Variants in DIAPH2 observed in about 807,000 individuals in gnomAD.
DIAPH2 encodes the protein protein diaphanous homolog 2.
In DIAPH2, 35 loss-of-function variants were observed where a neutral mutation model predicts 92.7. The ratio of observed to expected loss-of-function variants is 0.38; its 90% CI spans 0.29 to 0.50. The LOEUF is 0.50. Among genes scored for constraint, DIAPH2 ranks in the 20% least tolerant of loss-of-function variants. The pLI is 0.94. For synonymous variants in DIAPH2, 301 were observed against 280.4 expected (o/e 1.07, Z -0.73); for missense variants, 701 against 819.5 (o/e 0.86, Z 1.77).
At chrX:97,058,444 G>A (rs1302659704) in intron 17 of DIAPH2, among the ~76,000 whole-genome samples, 1 of 102,289 alleles carries the variant, frequency 9.8e-6, no homozygotes, top group Non-Finnish European at 2.0e-5. Context: ...ATCTGAAATG[G>A]CCTATTTTCT....
In DIAPH2 at chrX:97,019,397, G is replaced by C. The variant is rs199878750; in HGVS notation, c.2051-53544G>C. The stretch of plus-strand genomic sequence containing the variant: ...TTGTTCTTAACCCACTCTTATCATT[G>C]ATTTGAGGGTGACTTTTTATTTAAT... On this transcript the variant is annotated intron_variant, in intron 17 of 26. Transcript: ENST00000324765. Among the ~76,000 whole-genome samples the C allele has an allele frequency of 8.2e-5, 9 of 110,341 alleles. No homozygotes were observed. In the East Asian group the frequency reaches 2.6e-3, roughly 31 times the overall value.
intron 7 of DIAPH2, 90 bp downstream of exon 7, chrX:96,912,642 T>A: frequency 2.0e-6 from 2 of 1,005,785 alleles, no homozygotes; most frequent in Admixed American, 8.7e-5. Flanking sequence ...ATTTTTTTAT[T>A]ATTTTTTTTA....
At position 97,217,911 on chromosome X, in the gene DIAPH2, A is replaced by G. The variant is rs771815780; in HGVS notation, c.2720-29804A>G. ...CAGTGAGCCGAGATCGTGCCACTGC[A>G]TTCCAGCCTGGGCAACAGAGCGATA... is the stretch of plus-strand genomic sequence containing the variant. On this transcript the variant is annotated intron_variant, in intron 22 of 26. Transcript: ENST00000324765. Among the ~76,000 whole-genome samples the G allele has an allele frequency of 2.7e-5, 3 of 111,102 alleles. No homozygotes were observed. In the South Asian group the frequency reaches 1.2e-3, roughly 44 times the overall value.
Position 96,939,368 on chromosome X carries a change from T to C in DIAPH2, c.1311T>C (p.Asn437=). 9.9e-7 allele frequency: 1 copy of C among 1,008,914 alleles called. No individual in the cohort carries two copies. Among genetic ancestry groups the C allele is most frequent in the Non-Finnish European group, 1.4e-6 (1 of 720,491 alleles). 83.1% of individuals were successfully genotyped at this position (1,008,914 alleles called of 1,213,427 possible). The change falls in exon 12 of 27, where the codon AAT becomes AAC. Residue 437 remains asparagine, a synonymous_variant. Coordinates refer to ENST00000324765, the MANE Select transcript of DIAPH2 (RefSeq NM_006729.5). ...TACAACATTTTTTGCTTATCAGAAA[T>C]GATTATTATATCAGGTAAGAGGCAG... is the stretch of plus-strand genomic sequence containing the variant. ...SILQHFLLIR[N]DYYIRPQYYK...
intron 4 of DIAPH2, among the ~76,000 whole-genome samples, chrX:96,806,660 A>AAAAAAAAAAAAAAAAAAAAC (rs2064628043): frequency 9.5e-6 from 1 of 104,967 alleles, no homozygotes; most frequent in Non-Finnish European, 1.9e-5. Context: ...AAAAAAAAAA[A>AAAAAAAAAAAAAAAAAAAAC]AAAAGAAACA....
At chrX:96,878,948 G>T (rs187574495) in intron 4 of DIAPH2, among the ~76,000 whole-genome samples, 1 of 111,414 alleles carries the variant, frequency 9.0e-6, no homozygotes, top group East Asian at 2.8e-4. Flanking sequence ...TCAGCATGTT[G>T]AAACTCATCA....
intron 1 of DIAPH2, among the ~76,000 whole-genome samples, chrX:96,693,148 C>A (rs1325423011): frequency 1.8e-5 from 2 of 112,127 alleles, no homozygotes; most frequent in Non-Finnish European, 3.8e-5. Context: ...TTCCAGACAG[C>A]AGTTTAGTGC....
chrX:97,504,054 C>G (rs1260855928), intron 26 of DIAPH2, among the ~76,000 whole-genome samples: 2 of 111,530 alleles, frequency 1.8e-5, no homozygotes, highest in African/African-American at 6.5e-5. Flanking sequence ...GTGTAATGCC[C>G]CAATGTACCT....
intron 17 of DIAPH2, among the ~76,000 whole-genome samples, chrX:97,013,693 A>G (rs949459888): frequency 1.8e-5 from 2 of 112,080 alleles, no homozygotes; most frequent in Non-Finnish European, 3.8e-5. Context: ...TGGGTCTTCA[A>G]AAACAAATTC....
rs1382447245 is a variant in DIAPH2 at position 97,511,484 on chromosome X, A to C, written c.3241+81739A>C. 5.8e-4 allele frequency among the ~76,000 whole-genome samples: 63 copies of C among 107,835 alleles called. 1 individual carries two copies. The highest frequency in any genetic ancestry group is 3.4e-3 in the South Asian group (8 of 2,387). The allele number at this position is 107,835 out of a possible 115,157, so 93.6% of individuals were successfully genotyped here. A position where few individuals can be genotyped will look rare whatever the true frequency, so the allele number is the denominator to read the frequency against. On this transcript the variant is annotated intron_variant, in intron 26 of 26. Coordinates refer to ENST00000324765, the MANE Select transcript of DIAPH2 (RefSeq NM_006729.5). ...GACAACTTGACTTCCTCTTTTCCTA[A>C]TTGAATACCCTTTATTTCCTTCTCC...
intron 19 of DIAPH2, 133 bp from the exon 20 acceptor site, chrX:97,099,561 G>T: frequency 2.8e-6 from 1 of 353,012 alleles, no homozygotes; most frequent in South Asian, 1.0e-4. Context: ...GGGGAAGGGC[G>T]GATACTCTGG....
At chrX:97,341,235 C>G (rs2069111972) in intron 23 of DIAPH2, 1 of 108,717 alleles carries the variant, frequency 9.2e-6, no homozygotes, top group South Asian at 4.0e-4. Context: ...GTTACCTAGC[C>G]CAGGTCAGAA....
intron 24 of DIAPH2, among the ~76,000 whole-genome samples, chrX:97,376,052 T>A (rs1279156884): frequency 9.1e-6 from 1 of 109,458 alleles, no homozygotes; most frequent in African/African-American, 3.3e-5. Flanking sequence ...TTGTACTGTG[T>A]GCTTTATTTT....
intron 19 of DIAPH2, among the ~76,000 whole-genome samples, chrX:97,083,718 G>A (rs1463448237): frequency 8.9e-6 from 1 of 112,064 alleles, no homozygotes; most frequent in Non-Finnish European, 1.9e-5. Flanking sequence ...AGTATATGTA[G>A]TAAAGTTTCA....
At chrX:97,203,949 C>T (rs1317897042) in intron 22 of DIAPH2, among the ~76,000 whole-genome samples, 1 of 112,053 alleles carries the variant, frequency 8.9e-6, no homozygotes, top group East Asian at 2.8e-4. Flanking sequence ...CTGAATCCAG[C>T]AGCACATGAA....
At chrX:97,432,773 C>T (rs2070141059) in intron 26 of DIAPH2, among the ~76,000 whole-genome samples, 1 of 111,313 alleles carries the variant, frequency 9.0e-6, no homozygotes, top group Non-Finnish European at 1.9e-5. Context: ...AGGCGTGAGC[C>T]ACCATGCCCG....
intron 17 of DIAPH2, among the ~76,000 whole-genome samples, chrX:97,044,385 A>G (rs1317369010): frequency 9.0e-6 from 1 of 111,138 alleles, no homozygotes; most frequent in Non-Finnish European, 1.9e-5. Context: ...CTAAATCCCC[A>G]AAGTACACAC....
At chrX:97,225,348 G>A (rs1481857741) in intron 22 of DIAPH2, among the ~76,000 whole-genome samples, 3 of 111,467 alleles carry the variant, frequency 2.7e-5, no homozygotes, top group African/African-American at 6.5e-5. Flanking sequence ...TACCCTTCGT[G>A]TATGGGTTAT....
At chrX:96,858,675 A>T (rs1297615938) in intron 4 of DIAPH2, among the ~76,000 whole-genome samples, 1 of 112,010 alleles carries the variant, frequency 8.9e-6, no homozygotes, top group Non-Finnish European at 1.9e-5. Context: ...AGTACCTGGG[A>T]CTCAAGACTT....
Sources: gnomAD v4.1 joint callset for allele counts (sites outside exome capture counted in the v4.1 genomes callset) on GRCh38, gnomAD v4.1.1 for gene constraint, MANE v1.5 for transcripts, NCBI Gene and HGNC (gene_info 2026-07-23, HGNC 2026-07-21) for gene names.